CAND2: variants seen among roughly 807,000 people sequenced by gnomAD.
CAND2 encodes the protein cullin-associated NEDD8-dissociated protein 2.
A neutral mutation model predicts 98.9 loss-of-function variants in CAND2; 62 were observed. The observed-to-expected ratio is 0.63, with a 90% CI of 0.51 to 0.77. CAND2 has a LOEUF of 0.77. Among genes scored for constraint, CAND2 ranks in the 30% least tolerant of loss-of-function variants. The pLI, the probability that CAND2 is intolerant of heterozygous loss-of-function variation, is 0.00. For missense variants in CAND2, 1,501 were observed against 1,655.2 expected (o/e 0.91, Z 1.62); for synonymous variants, 770 against 731.9 (o/e 1.05, Z -0.84).
intron 1 of CAND2, among the ~76,000 whole-genome samples, chr3:12,797,998 G>A (rs2061738599): frequency 6.6e-6 from 1 of 152,112 alleles, no homozygotes; most frequent in African/African-American, 2.4e-5. Context: ...GATCCCAGCT[G>A]CCGTCACTCA....
Position 12,827,559 on chromosome 3 carries a change from C to G in CAND2, c.3330C>G (p.Phe1110Leu). ...TGGGCCAGCTGGATATCTGTGAGTT[C>G]CTGAACCATGTGGAGGACGGGCTGA... is the stretch of plus-strand genomic sequence containing the variant. ...SCLGQLDICEFLNHVEDGLKD... is the reference protein window; with the variant it reads ...SCLGQLDICELLNHVEDGLKD... The change falls in exon 13 of 15, where the codon TTC (phenylalanine) becomes TTG (leucine). Residue 1110 changes from phenylalanine (F) to leucine (L), a missense_variant. Phe to Leu is a conservative substitution (Grantham distance 22, BLOSUM62 0). Coordinates refer to ENST00000456430, the MANE Select transcript of CAND2 (RefSeq NM_001162499.2). The G allele has an allele frequency of 3.1e-6, 5 of 1,613,912 alleles. No individual in the cohort carries two copies. The highest frequency in any genetic ancestry group is 4.2e-6 in the Non-Finnish European group (5 of 1,179,910).
intron 2 of CAND2, among the ~76,000 whole-genome samples, chr3:12,806,376 A>G (rs555769139): frequency 6.6e-6 from 1 of 152,272 alleles, no homozygotes; most frequent in East Asian, 1.9e-4. Flanking sequence ...GAAACCCTGT[A>G]TTCCCTGCCC....
chr3:12,811,508 A>G (rs17037275), intron 5 of CAND2, among the ~76,000 whole-genome samples: 2,997 of 152,308 alleles, frequency 0.02, 94 homozygotes, highest in African/African-American at 0.068. Context: ...CCAGGACATG[A>G]ATAATGGTTT....
Position 12,817,355 on chromosome 3 carries a change from T to C in CAND2, c.2423T>C (p.Val808Ala). 6.2e-7 allele frequency: 1 copy of C among 1,613,854 alleles called. No individual in the cohort carries two copies. The highest frequency in any genetic ancestry group is 8.5e-7 in the Non-Finnish European group (1 of 1,180,024). ...GTGTTCCACTCATTGGCCCGGTGTGTGGCAGCCCTCTCAGCTGCCTGTCCC... is the reference window on the plus strand; with the variant it reads ...GTGTTCCACTCATTGGCCCGGTGTGCGGCAGCCCTCTCAGCTGCCTGTCCC... ...KQVFHSLARCVAALSAACPQE... is the reference protein window; with the variant it reads ...KQVFHSLARCAAALSAACPQE... The change falls in exon 10 of 15, where the codon GTG becomes GCG. Residue 808 changes from valine to alanine, a missense_variant. This residue lies in a region of CAND2 where 1,427 missense variants were observed against 1,545.3 expected (regional missense o/e 0.92). Transcript: ENST00000456430.
chr3:12,809,103 C>T (rs879841841), intron 4 of CAND2, among the ~76,000 whole-genome samples: 60 of 152,138 alleles, frequency 3.9e-4, no homozygotes, highest in African/African-American at 1.4e-3. Flanking sequence ...AGGGGGACTC[C>T]ACAGGACTTG....
chr3:12,808,543 A>G (rs1226636840), intron 4 of CAND2, among the ~76,000 whole-genome samples: 2 of 152,168 alleles, frequency 1.3e-5, no homozygotes, highest in Non-Finnish European at 2.9e-5. Flanking sequence ...TGACTTGAAC[A>G]CCTGCTCTGG....
At position 12,815,047 on chromosome 3, in the gene CAND2, T is replaced by C. The variant is rs2061885096; in HGVS notation, c.1007-94T>C. The C allele has an allele frequency of 7.9e-7, 1 of 1,273,796 alleles. No homozygotes were observed. 78.9% of individuals were successfully genotyped at this position (1,273,796 alleles called of 1,614,324 possible). ...CTGATCATCAAAAAGTGAAGCACAG[T>C]GCCCAGCTCTCTCTCCTCCCTGTCC... On this transcript the variant is annotated intron_variant, in intron 7 of 14. Coordinates refer to ENST00000456430, the MANE Select transcript of CAND2 (RefSeq NM_001162499.2). This position sits in a 1 kb window ranked among gnomAD's most constrained non-coding sequence, Gnocchi z 5.7.
At chr3:12,796,980 T>C (rs2061730474) in intron 1 of CAND2, among the ~76,000 whole-genome samples, 192 bp downstream of exon 1, 1 of 149,182 alleles carries the variant, frequency 6.7e-6, no homozygotes, top group South Asian at 2.2e-4. Flanking sequence ...CTCCGGCCGT[T>C]CTCCCCTAGG....
intron 3 of CAND2, 122 bp from the exon 4 acceptor site, chr3:12,808,088 C>T (rs918534361): frequency 7.7e-7 from 1 of 1,296,370 alleles, no homozygotes; most frequent in East Asian, 2.6e-5. Context: ...ACCTCTGGAG[C>T]CCTGGTAAGA....
Position 12,820,159 on chromosome 3 carries a change from C to A in CAND2, c.3018C>A (p.Asp1006Glu). Residue 1006 changes from aspartate (D) to glutamate (E), a missense_variant, in exon 11 of 15, where the codon GAC (aspartate) becomes GAA (glutamate). Transcript: ENST00000456430. The stretch of plus-strand genomic sequence containing the variant: ...TCTCGGACCAGCCCCATCCCATTGA[C>A]CCCCTCCTGAAGAGCTTCATCGGTG... ...FLISDQPHPI[D>E]PLLKSFIGEF... 6.2e-7 allele frequency: 1 copy of A among 1,614,008 alleles called. No individual in the cohort carries two copies. The highest frequency in any genetic ancestry group is 1.3e-5 in the African/African-American group (1 of 75,040).
chr3:12,821,544 G>T (rs1224892550), intron 11 of CAND2, among the ~76,000 whole-genome samples: 1 of 152,230 alleles, frequency 6.6e-6, no homozygotes, highest in Non-Finnish European at 1.5e-5. Flanking sequence ...CAGCAACTTT[G>T]TCCCTTGCCC....
chr3:12,823,523 TC>T (rs2061975037), intron 11 of CAND2, among the ~76,000 whole-genome samples: 1 of 151,808 alleles, frequency 6.6e-6, no homozygotes, highest in African/African-American at 2.4e-5. Flanking sequence ...GGTCAGGAGA[TC>T]GAGACCATCC....
intron 10 of CAND2, among the ~76,000 whole-genome samples, chr3:12,818,392 A>AGG (rs1174611906): frequency 6.6e-6 from 1 of 152,248 alleles, no homozygotes; most frequent in African/African-American, 2.4e-5. Context: ...CAGCCTGCAG[A>AGG]GGGTCAGCTC....
At chr3:12,801,143 T>C (rs1287109644) in intron 1 of CAND2, among the ~76,000 whole-genome samples, 1 of 151,844 alleles carries the variant, frequency 6.6e-6, no homozygotes, top group East Asian at 1.9e-4. Context: ...GTTCAAGTGA[T>C]TCACCTGCCT....
rs547528577 is a variant in CAND2, at chr3:12,819,187, C to G, written c.2945-899C>G. Among the ~76,000 whole-genome samples the G allele has an allele frequency of 5.0e-4, 76 of 152,350 alleles. 1 individual carries two copies. The South Asian group carries it at 0.013, about 27-fold the overall frequency. ...TCTTGTGCCTGTCTTCATCAGCCAC[C>G]CTAAATCTTCCTGGGAGCCAGTCAG... On this transcript the variant is annotated intron_variant, in intron 10 of 14. Transcript: ENST00000456430.
Position 12,796,697 on chromosome 3 carries a change from C to G in CAND2, c.-24C>G, listed in dbSNP as rs1183807747. Reference sequence around the variant, plus strand: ...GCGCCGCCATATTCCCTCCCGCCGGCCGGCTCCGCGGCGCGCAGCCACCAT... The same window carrying G: ...GCGCCGCCATATTCCCTCCCGCCGGGCGGCTCCGCGGCGCGCAGCCACCAT... On this transcript the variant is annotated 5_prime_UTR_variant, in exon 1 of 15. Transcript: ENST00000456430. 1.9e-6 allele frequency: 3 copies of G among 1,562,878 alleles called. No individual in the cohort carries two copies. The African/African-American group carries it at 4.1e-5, about 21-fold the overall frequency.
At position 12,815,963 on chromosome 3, in the gene CAND2, G is replaced by A. The variant is rs760214881; in HGVS notation, c.1396G>A (p.Val466Ile). The A allele has an allele frequency of 1.2e-6, 2 of 1,613,946 alleles. No individual in the cohort carries two copies. Among genetic ancestry groups the A allele is most frequent in the Non-Finnish European group, 1.7e-6 (2 of 1,179,984 alleles). Residue 466 changes from valine (V) to isoleucine (I), a missense_variant, in exon 9 of 15, where the codon GTC becomes ATC. By Grantham distance (29) the Val-to-Ile change is conservative. Around this residue, in one of 3 missense-constraint regions of CAND2, gnomAD observed 1,427 missense variants for 1,545.3 expected, o/e 0.92. Transcript: ENST00000456430. The surrounding 1 kb of genome is among the most constrained non-coding windows in gnomAD (Gnocchi z 5.7). ...CFSLLTELAG[V>I]LPGSLAEHMP... is the part of the protein sequence containing the mutation. ...CAGCCTCCTCACCGAGCTGGCGGGT[G>A]TCCTCCCAGGCAGCCTGGCCGAGCA...
Position 12,825,544 on chromosome 3 carries a change from G to A in CAND2, c.3115G>A (p.Val1039Met). ...GACTCTGGCTTTCTTCAACTCAGCTGTGCACAACAAGCCCTCGCTAGTCCG... is the reference window on the plus strand; with the variant it reads ...GACTCTGGCTTTCTTCAACTCAGCTATGCACAACAAGCCCTCGCTAGTCCG... ...RATLAFFNSA[V>M]HNKPSLVRDL... The change falls in exon 12 of 15, where the codon GTG (valine) becomes ATG (methionine). Residue 1039 changes from valine to methionine, a missense_variant. This residue lies in a region of CAND2 where 1,427 missense variants were observed against 1,545.3 expected (regional missense o/e 0.92). Transcript: ENST00000456430. The A allele has an allele frequency of 2.5e-6, 4 of 1,608,742 alleles. No homozygotes were observed. The highest frequency in any genetic ancestry group is 3.4e-6 in the Non-Finnish European group (4 of 1,177,768).
Position 12,834,002 on chromosome 3 carries a change from G to C in CAND2, c.*20G>C, listed in dbSNP as rs765641875. The C allele has an allele frequency of 3.1e-6, 5 of 1,604,580 alleles. No individual in the cohort carries two copies. The highest frequency in any genetic ancestry group is 4.3e-6 in the Non-Finnish European group (5 of 1,171,826). On this transcript the variant is annotated 3_prime_UTR_variant, in exon 15 of 15. Transcript: ENST00000456430. ...AGCTAGTCCCCTCAGCACCAAGGTGGGCCCTCGCTTAAGAGAAAGGAGCCC... is the reference window on the plus strand; with the variant it reads ...AGCTAGTCCCCTCAGCACCAAGGTGCGCCCTCGCTTAAGAGAAAGGAGCCC...
Sources: gnomAD v4.1 joint callset for allele counts (sites outside exome capture counted in the v4.1 genomes callset) on GRCh38, gnomAD v4.1.1 for gene constraint, gnomAD v4.1.1 regional missense constraint, Gnocchi (gnomAD v3.1) non-coding constraint, MANE v1.5 for transcripts, NCBI Gene and HGNC (gene_info 2026-07-23, HGNC 2026-07-21) for gene names.